The following SPRY3 variants were observed in gnomAD, a reference collection of about 807,000 sequenced individuals.
The protein encoded by SPRY3 is protein sprouty homolog 3.
In SPRY3, 15 loss-of-function variants were observed where a neutral mutation model predicts 20.2. The observed-to-expected ratio is 0.74, with a 90% CI of 0.50 to 1.14. The LOEUF is 1.14. SPRY3 is among the 50% of genes most tolerant of loss of function. The pLI is 0.00. For synonymous variants in SPRY3, 143 were observed against 136.5 expected (o/e 1.05, Z -0.33); for missense variants, 364 against 363.9 (o/e 1.00, Z 0.00).
chrX:155,774,372 C>T, exon 4 of SPRY3: 1 of 1,614,026 alleles, frequency 6.2e-7, no homozygotes, highest in Non-Finnish European at 8.5e-7. Context: ...TCCCCTCCTG[C>T]TGGCTGTGCA....
chrX:155,712,181 A>C (rs2090991673), intron 2 of SPRY3, among the ~76,000 whole-genome samples: 1 of 151,964 alleles, frequency 6.6e-6, no homozygotes, highest in Non-Finnish European at 1.5e-5. Flanking sequence ...GTTGGATGAA[A>C]TGTTCTATAA....
At chrX:155,615,270 A>C (rs2067847587) in intron 1 of SPRY3, among the ~76,000 whole-genome samples, 1 of 112,823 alleles carries the variant, frequency 8.9e-6, no homozygotes, top group African/African-American at 3.2e-5. Context: ...AGGCCAAATT[A>C]TCACCATCTC....
chrX:155,637,566 A>G (rs2067927802), intron 1 of SPRY3, among the ~76,000 whole-genome samples: 1 of 111,089 alleles, frequency 9.0e-6, no homozygotes. Context: ...CCCCCTCCCC[A>G]GAAGTGTTCC....
At chrX:155,778,485 G>A (rs1038658366), downstream of SPRY3, 1 of 166,646 alleles carries the variant, frequency 6.0e-6, no homozygotes, top group Non-Finnish European at 1.5e-5. Context: ...AAGAGGGTAA[G>A]CGTTTATTAG....
intron 2 of SPRY3, among the ~76,000 whole-genome samples, chrX:155,743,886 A>T (rs2124575709): frequency 6.6e-6 from 1 of 152,294 alleles, no homozygotes; most frequent in Admixed American, 6.5e-5. Context: ...GAAGCTAGAC[A>T]TAAAAGGACA....
intron 2 of SPRY3, among the ~76,000 whole-genome samples, chrX:155,697,797 T>A (rs1457412954): frequency 9.1e-6 from 1 of 110,321 alleles, no homozygotes; most frequent in Non-Finnish European, 1.9e-5. Context: ...GAGGTAAGAC[T>A]GAACTTAGGT....
chrX:155,683,172 G>A (rs1009196951), intron 2 of SPRY3, among the ~76,000 whole-genome samples: 6 of 112,596 alleles, frequency 5.3e-5, no homozygotes, highest in Non-Finnish European at 1.1e-4. Context: ...GAATATTCCA[G>A]TTGATAAAGC....
At chrX:155,655,768 C>T (rs782260924) in intron 1 of SPRY3, among the ~76,000 whole-genome samples, 3 of 111,853 alleles carry the variant, frequency 2.7e-5, no homozygotes, top group Non-Finnish European at 3.8e-5. Flanking sequence ...ATATTTAGTG[C>T]TTCCTTCCAG....
At chrX:155,729,179 T>A (rs2091117724) in intron 2 of SPRY3, among the ~76,000 whole-genome samples, 1 of 152,100 alleles carries the variant, frequency 6.6e-6, no homozygotes, top group African/African-American at 2.4e-5. Flanking sequence ...AACAAAGAAA[T>A]TCAGACTTAG....
chrX:155,744,007 A>T (rs2091214741), intron 2 of SPRY3, among the ~76,000 whole-genome samples: 1 of 152,122 alleles, frequency 6.6e-6, no homozygotes, highest in Non-Finnish European at 1.5e-5. Flanking sequence ...GAAGCATGCA[A>T]CACTGCAAGG....
intron 2 of SPRY3, among the ~76,000 whole-genome samples, chrX:155,765,614 A>G (rs1405295344): frequency 1.3e-5 from 2 of 152,136 alleles, no homozygotes; most frequent in Non-Finnish European, 2.9e-5. Flanking sequence ...ATGATCATCA[A>G]TTTAACTTTT....
intron 2 of SPRY3, among the ~76,000 whole-genome samples, chrX:155,752,411 A>G (rs761460357): frequency 3.9e-4 from 60 of 151,948 alleles, no homozygotes; most frequent in Admixed American, 1.3e-3. Context: ...TGACTGCATA[A>G]CAATTTAAAA....
At chrX:155,766,244 G>C (rs926694028) in intron 2 of SPRY3, among the ~76,000 whole-genome samples, 2 of 152,052 alleles carry the variant, frequency 1.3e-5, no homozygotes, top group African/African-American at 4.8e-5. Context: ...GACCCACACA[G>C]CCGTACTTTT....
chrX:155,635,934 A>G (rs1569562420), intron 1 of SPRY3, among the ~76,000 whole-genome samples: 1 of 112,170 alleles, frequency 8.9e-6, no homozygotes, highest in Non-Finnish European at 1.9e-5. Context: ...AGACTGCTGA[A>G]GATCCACTGT....
At chrX:155,720,310 T>C (rs1476815619) in intron 2 of SPRY3, among the ~76,000 whole-genome samples, 1 of 152,134 alleles carries the variant, frequency 6.6e-6, no homozygotes, top group African/African-American at 2.4e-5. Flanking sequence ...TCCAAGGTTT[T>C]TGAATCTAGT....
chrX:155,773,862 T>C, exon 4 of SPRY3: 1 of 1,610,160 alleles, frequency 6.2e-7, no homozygotes, highest in African/African-American at 1.3e-5. Context: ...AGCTAAAAAA[T>C]CAAGGCAAAA....
At chrX:155,774,512 G>A (rs976256785) in exon 4 of SPRY3, 2 of 1,613,942 alleles carry the variant, frequency 1.2e-6, no homozygotes, top group East Asian at 2.2e-5. Context: ...TGCTCTTGTG[G>A]GCCTAGTTCT....
chrX:155,679,531 G>A, intron 2 of SPRY3, among the ~76,000 whole-genome samples: 1 of 111,354 alleles, frequency 9.0e-6, no homozygotes. Flanking sequence ...TGAGGGCTCT[G>A]CCCTCATGAC....
intron 2 of SPRY3, chrX:155,767,746 G>GAGGAGGAGAGAGGAGGAGT (rs2091348366): frequency 3.5e-5 from 5 of 142,314 alleles, no homozygotes; most frequent in Non-Finnish European, 7.7e-5. Flanking sequence ...GAGAGAGGAG[G>GAGGAGGAGAGAGGAGGAGT]AGGAGGAGAG....
Sources: allele counts gnomAD v4.1 joint callset (sites outside exome capture counted in the v4.1 genomes callset), GRCh38; gene constraint gnomAD v4.1.1; transcripts MANE v1.5; gene names NCBI Gene and HGNC (gene_info 2026-07-23, HGNC 2026-07-21).